Variants in KCNQ5 observed in about 807,000 individuals in gnomAD.
KCNQ5 encodes potassium voltage-gated channel subfamily Q member 5, also known as potassium voltage-gated channel subfamily KQT member 5.
Under a neutral mutation model 98.2 loss-of-function variants are expected in KCNQ5, and 30 were observed. That is an observed-to-expected ratio of 0.31 (90% CI 0.23 to 0.41). The LOEUF is 0.41. Among genes scored for constraint, KCNQ5 ranks in the 10% least tolerant of loss-of-function variants. KCNQ5 has a pLI of 1.00. For synonymous variants in KCNQ5, 458 were observed against 449.4 expected (o/e 1.02, Z -0.24); for missense variants, 835 against 1,182.5 (o/e 0.71, Z 4.31).
chr6:72,957,207 G>C (rs180810704), intron 1 of KCNQ5, among the ~76,000 whole-genome samples: 1 of 134,550 alleles, frequency 7.4e-6, no homozygotes, highest in Non-Finnish European at 1.6e-5. Context: ...GTCTTGCTCC[G>C]TTGCCCAGGC....
intron 1 of KCNQ5, chr6:72,987,296 G>C (rs1420485342): frequency 1.7e-5 from 12 of 696,270 alleles, no homozygotes; most frequent in Non-Finnish European, 3.3e-5. Context: ...AGGTGGTGTT[G>C]GAAAAGAAAG....
chr6:73,103,755 CA>C (rs57430661), intron 5 of KCNQ5, among the ~76,000 whole-genome samples: 111,338 of 151,592 alleles, frequency 0.73, 45,730 homozygotes, highest in South Asian at 0.94. Flanking sequence ...TAATGGACAC[CA>C]AAAAAAAACC....
intron 1 of KCNQ5, among the ~76,000 whole-genome samples, chr6:72,745,555 C>T (rs1016623390): frequency 3.3e-5 from 5 of 152,158 alleles, no homozygotes; most frequent in African/African-American, 1.2e-4. Context: ...TTTCCTCAAA[C>T]TCAGTTTATA....
chr6:73,083,640 G>C (rs1367059544), intron 5 of KCNQ5, among the ~76,000 whole-genome samples: 1 of 152,142 alleles, frequency 6.6e-6, no homozygotes, highest in African/African-American at 2.4e-5. Context: ...AAAATATGCA[G>C]CATATAAGTC....
chr6:72,675,523 C>T (rs1441527368), intron 1 of KCNQ5, among the ~76,000 whole-genome samples: 1 of 152,210 alleles, frequency 6.6e-6, no homozygotes, highest in Admixed American at 6.5e-5. Context: ...TCTGCCCCTA[C>T]TTTGTCTTGC....
At chr6:72,900,803 C>A (rs138712096) in intron 1 of KCNQ5, among the ~76,000 whole-genome samples, 2 of 151,920 alleles carry the variant, frequency 1.3e-5, no homozygotes, top group South Asian at 4.2e-4. Flanking sequence ...ACTGCATCCA[C>A]GCCAACACCT....
chr6:73,048,676 A>G (rs554413986), intron 3 of KCNQ5, among the ~76,000 whole-genome samples: 1 of 152,202 alleles, frequency 6.6e-6, no homozygotes, highest in Non-Finnish European at 1.5e-5. Flanking sequence ...TTACCCATTT[A>G]TGTTTATAAA....
At chr6:72,908,298 A>G (rs1779785594) in intron 1 of KCNQ5, among the ~76,000 whole-genome samples, 1 of 152,128 alleles carries the variant, frequency 6.6e-6, no homozygotes, top group Admixed American at 6.5e-5. Flanking sequence ...CAACATGAGA[A>G]CTAAAGGTAA....
chr6:72,751,187 C>T (rs1771660828), intron 1 of KCNQ5, among the ~76,000 whole-genome samples: 1 of 151,544 alleles, frequency 6.6e-6, no homozygotes, highest in African/African-American at 2.4e-5. Context: ...AGGGGATAGG[C>T]AATTTTTTTA....
intron 1 of KCNQ5, among the ~76,000 whole-genome samples, chr6:72,981,904 C>T (rs1022230004): frequency 2.0e-5 from 3 of 152,292 alleles, no homozygotes; most frequent in East Asian, 1.9e-4. Flanking sequence ...GCCTTCATTT[C>T]GTTATTTACC....
At chr6:72,874,760 G>T (rs540692424) in intron 1 of KCNQ5, among the ~76,000 whole-genome samples, 1 of 152,060 alleles carries the variant, frequency 6.6e-6, no homozygotes, top group Non-Finnish European at 1.5e-5. Flanking sequence ...ACAAGATTTC[G>T]GTCCCTAGCC....
intron 2 of KCNQ5, among the ~76,000 whole-genome samples, chr6:73,030,499 T>C (rs1771095125): frequency 6.6e-6 from 1 of 152,244 alleles, no homozygotes; most frequent in African/African-American, 2.4e-5. Flanking sequence ...AAAGTACATT[T>C]ACACCAATAA....
rs1320479230 is a variant in KCNQ5 at position 72,622,596 on chromosome 6, C to T, written c.398+9C>T. 2 of 1,612,078 alleles carry T rather than the reference C, an allele frequency of 1.2e-6. No individual in the cohort carries two copies. Among genetic ancestry groups the T allele is most frequent in the South Asian group, 1.1e-5 (1 of 91,016 alleles). On this transcript the variant is annotated intron_variant, in intron 1 of 13. Coordinates refer to ENST00000370398, the MANE Select transcript of KCNQ5 (RefSeq NM_019842.4). This position sits in a 1 kb window ranked among gnomAD's most constrained non-coding sequence, Gnocchi z 6.0. ...ATCTACCACGCTTTCGTGTGAGTACCCGCGCCCCCTGCTATGCCCGCTGCA... is the reference window on the plus strand; with the variant it reads ...ATCTACCACGCTTTCGTGTGAGTACTCGCGCCCCCTGCTATGCCCGCTGCA...
At chr6:72,858,848 T>C (rs1298538396) in intron 1 of KCNQ5, among the ~76,000 whole-genome samples, 1 of 152,132 alleles carries the variant, frequency 6.6e-6, no homozygotes, top group African/African-American at 2.4e-5. Context: ...ACTGGTGAAA[T>C]TTAATTAATA....
At chr6:72,856,726 A>G (rs1383397192) in intron 1 of KCNQ5, among the ~76,000 whole-genome samples, 1 of 152,218 alleles carries the variant, frequency 6.6e-6, no homozygotes, top group Non-Finnish European at 1.5e-5. Context: ...AATGACAAAG[A>G]AATATTTGTG....
intron 1 of KCNQ5, among the ~76,000 whole-genome samples, chr6:72,999,375 T>C (rs1441197934): frequency 6.6e-6 from 1 of 152,220 alleles, no homozygotes; most frequent in Non-Finnish European, 1.5e-5. Flanking sequence ...GGATAAAAGA[T>C]CTAGATCAAA....
chr6:72,832,489 CA>C (rs1225446234), intron 1 of KCNQ5, among the ~76,000 whole-genome samples: 1 of 152,084 alleles, frequency 6.6e-6, no homozygotes, highest in Admixed American at 6.6e-5. Flanking sequence ...ATGCACGGGA[CA>C]GCCCCACAAC....
At chr6:72,987,275 G>C (rs9446806) in intron 1 of KCNQ5, 39,317 of 690,998 alleles carry the variant, frequency 0.057, 3,344 homozygotes, top group African/African-American at 0.24. Context: ...AGGAAACAGA[G>C]ACGGACTTAG....
chr6:72,811,025 G>C (rs572394875), intron 1 of KCNQ5, among the ~76,000 whole-genome samples: 121 of 152,306 alleles, frequency 7.9e-4, no homozygotes, highest in Admixed American at 2.1e-3. Flanking sequence ...TAAAAAGGCA[G>C]GAAAATGTCT....
Sources: gnomAD v4.1 joint callset for allele counts (sites outside exome capture counted in the v4.1 genomes callset) on GRCh38, gnomAD v4.1.1 for gene constraint, Gnocchi (gnomAD v3.1) non-coding constraint, MANE v1.5 for transcripts, NCBI Gene and HGNC (gene_info 2026-07-23, HGNC 2026-07-21) for gene names.